The following CTSC variants were observed in gnomAD, a reference collection of about 807,000 sequenced individuals.
CTSC encodes the protein dipeptidyl peptidase 1.
Under a neutral mutation model 40.9 loss-of-function variants are expected in CTSC, and 37 were observed. The observed-to-expected ratio is 0.91, with a 90% CI of 0.70 to 1.19. The LOEUF (loss-of-function observed/expected upper bound fraction) is 1.19. Among genes scored for constraint, CTSC ranks in the 50% most tolerant of loss-of-function variants. CTSC has a pLI of 0.00. For synonymous variants in CTSC, 232 were observed against 207.4 expected (o/e 1.12, Z -1.02); for missense variants, 594 against 567.3 (o/e 1.05, Z -0.48).
intron 4 of CTSC, among the ~76,000 whole-genome samples, chr11:88,305,992 T>A (rs543079051): frequency 2.0e-5 from 3 of 152,342 alleles, no homozygotes; most frequent in African/African-American, 7.2e-5. Context: ...TGAATAGATC[T>A]CAGCTTCCTG....
At chr11:88,317,531 A>G (rs1052126950) in intron 2 of CTSC, among the ~76,000 whole-genome samples, 2 of 152,214 alleles carry the variant, frequency 1.3e-5, no homozygotes, top group Non-Finnish European at 2.9e-5. Context: ...TTAGTAAAAG[A>G]GAGGCATTTA....
At chr11:88,316,010 TAA>T (rs200573848) in intron 2 of CTSC, among the ~76,000 whole-genome samples, 3 of 143,318 alleles carry the variant, frequency 2.1e-5, no homozygotes, top group African/African-American at 5.1e-5. Context: ...TTGTATTCTC[TAA>T]AAAAAAAAAG....
At chr11:88,329,455 CAAAAAAAAAAA>C (rs34568364) in intron 2 of CTSC, among the ~76,000 whole-genome samples, 11 of 67,880 alleles carry the variant, frequency 1.6e-4, no homozygotes, top group South Asian at 1.6e-3. Context: ...GACTCCATTT[CAAAAAAAAAAA>C]AAAAAAAAAA....
chr11:88,309,028 C>T (rs1457708576), intron 4 of CTSC, 135 bp downstream of exon 4: 18 of 743,722 alleles, frequency 2.4e-5, no homozygotes, highest in Admixed American at 6.1e-5. Flanking sequence ...AGATAAAGAT[C>T]GTTAACAGAT....
In CTSC at chr11:88,337,527, T is replaced by A; in HGVS notation, c.146A>T (p.Gln49Leu). The A allele has an allele frequency of 6.3e-7, 1 of 1,575,408 alleles. No individual in the cohort carries two copies. Among genetic ancestry groups the A allele is most frequent in the Non-Finnish European group, 8.6e-7 (1 of 1,159,516 alleles). Residue 49 changes from glutamine to leucine, a missense_variant, in exon 1 of 7, where the codon CAG (glutamine) becomes CTG (leucine). Gln to Leu is a moderately radical substitution (Grantham distance 113). Transcript: ENST00000227266. ...CATAACCGAGCAGTTGACATCGCGC[T>A]GGGAACCGCTGGAGCCCACCTGGAA... ...WVFQVGSSGS[Q>L]RDVNCSVMGP...
intron 2 of CTSC, among the ~76,000 whole-genome samples, chr11:88,316,750 T>C (rs1937888564): frequency 2.6e-5 from 4 of 152,208 alleles, no homozygotes; most frequent in Non-Finnish European, 4.4e-5. Context: ...TTTCAACAGT[T>C]AACAAGGCAC....
intron 2 of CTSC, 105 bp downstream of exon 2, chr11:88,334,832 G>T: frequency 1.2e-6 from 1 of 850,794 alleles, no homozygotes; most frequent in Non-Finnish European, 2.0e-6. Context: ...GTCAATTCCG[G>T]TCATCTTCTT....
intron 2 of CTSC, among the ~76,000 whole-genome samples, chr11:88,314,164 G>A (rs1047152587): frequency 6.6e-6 from 1 of 152,126 alleles, no homozygotes; most frequent in Non-Finnish European, 1.5e-5. Flanking sequence ...AATATTTTAG[G>A]CTTGAAGGCT....
chr11:88,318,453 A>G lies in CTSC; in HGVS notation c.319-5899T>C, dbSNP rs1937925750. ...AAGTGACTATACTAACATTACCATC[A>G]TTACCATGAAGGATACTTCATCCAT... is the stretch of plus-strand genomic sequence containing the variant. On this transcript the variant is annotated intron_variant, in intron 2 of 6. Coordinates refer to ENST00000227266, the MANE Select transcript of CTSC (RefSeq NM_001814.6). Among the ~76,000 whole-genome samples the G allele has an allele frequency of 2.6e-5, 4 of 152,236 alleles. No homozygotes were observed. The South Asian group carries it at 8.3e-4, about 31-fold the overall frequency.
At chr11:88,301,576 A>G (rs1944361144) in intron 4 of CTSC, among the ~76,000 whole-genome samples, 1 of 152,180 alleles carries the variant, frequency 6.6e-6, no homozygotes, top group African/African-American at 2.4e-5. Flanking sequence ...GACACCCTCA[A>G]CCAGTAACAA....
chr11:88,332,130 A>C (rs1938377859), intron 2 of CTSC, among the ~76,000 whole-genome samples: 1 of 152,228 alleles, frequency 6.6e-6, no homozygotes, highest in African/African-American at 2.4e-5. Flanking sequence ...GTAGGATAAC[A>C]ACAACGATGG....
chr11:88,327,097 A>T lies in CTSC; in HGVS notation c.318+7840T>A, dbSNP rs370017878. On this transcript the variant is annotated intron_variant, in intron 2 of 6. Coordinates refer to ENST00000227266, the MANE Select transcript of CTSC (RefSeq NM_001814.6). ...TAAAGAAAACTATTTAATACATTCT[A>T]TATTTATTCAACTACCAGAAAGAAC... 7.9e-5 allele frequency among the ~76,000 whole-genome samples: 12 copies of T among 152,328 alleles called. No homozygotes were observed. The South Asian group carries it at 2.3e-3, about 29-fold the overall frequency.
chr11:88,299,558 G>A (rs1426783693), intron 5 of CTSC: 3 of 152,188 alleles, frequency 2.0e-5, no homozygotes, highest in South Asian at 2.1e-4. Context: ...AACACTGCAA[G>A]AATTCAGTGA....
In CTSC at chr11:88,332,416, T is replaced by C. The variant is rs138288077; in HGVS notation, c.318+2521A>G. Reference sequence around the variant, plus strand: ...GCAGGAAATACCCTGATGCTTATGGTAAAATCTGTAAACTTTCTGTATTAA... The same window carrying C: ...GCAGGAAATACCCTGATGCTTATGGCAAAATCTGTAAACTTTCTGTATTAA... On this transcript the variant is annotated intron_variant, in intron 2 of 6. Transcript: ENST00000227266. Among the ~76,000 whole-genome samples, 10 of 152,326 alleles carry C rather than the reference T, an allele frequency of 6.6e-5. No individual in the cohort carries two copies. In the East Asian group the frequency reaches 1.9e-3, roughly 29 times the overall value.
At chr11:88,325,136 G>A (rs553019302) in intron 2 of CTSC, 221 of 985,112 alleles carry the variant, frequency 2.2e-4, no homozygotes, top group Non-Finnish European at 2.5e-4. Flanking sequence ...ACCATTATTC[G>A]GCAGGAAAGA....
chr11:88,301,798 AAACACACGCGCG>A (rs1944364711), intron 4 of CTSC, among the ~76,000 whole-genome samples: 2 of 88,790 alleles, frequency 2.3e-5, no homozygotes, highest in African/African-American at 8.5e-5. Context: ...ACACACACAC[AAACACACGCGCG>A]CACACACACA....
intron 4 of CTSC, among the ~76,000 whole-genome samples, chr11:88,307,210 G>C (rs1937654539): frequency 1.3e-5 from 2 of 152,178 alleles, no homozygotes; most frequent in South Asian, 4.1e-4. Flanking sequence ...AATGTATTAA[G>C]GAAAAATAAC....
chr11:88,329,422 C>T (rs903553216), intron 2 of CTSC, among the ~76,000 whole-genome samples: 3 of 117,068 alleles, frequency 2.6e-5, no homozygotes, highest in East Asian at 5.7e-4. Flanking sequence ...GTGGAAGGAG[C>T]GAGGGCCTGG....
chr11:88,322,442 C>G (rs1938045244), intron 2 of CTSC: 1 of 152,154 alleles, frequency 6.6e-6, no homozygotes, highest in South Asian at 2.1e-4. Context: ...GAAACAGGAA[C>G]AGTTTCAATT....
Sources: allele counts gnomAD v4.1 joint callset (sites outside exome capture counted in the v4.1 genomes callset), GRCh38; gene constraint gnomAD v4.1.1; transcripts MANE v1.5; gene names NCBI Gene and HGNC (gene_info 2026-07-23, HGNC 2026-07-21).